The following CSMD3 variants were observed in gnomAD, a reference collection of about 807,000 sequenced individuals.
The protein encoded by CSMD3 is CUB and sushi domain-containing protein 3.
Under a neutral mutation model 435.2 loss-of-function variants are expected in CSMD3, and 177 were observed. That is an observed-to-expected ratio of 0.41 (90% CI 0.36 to 0.46). The LOEUF is 0.46. Among genes scored for constraint, CSMD3 ranks in the 20% least tolerant of loss-of-function variants. The pLI is 0.34. For synonymous variants in CSMD3, 1,656 were observed against 1,520.5 expected (o/e 1.09, Z -2.07); for missense variants, 4,265 against 4,504.6 (o/e 0.95, Z 1.52).
At chr8:112,788,583 A>AT (rs1274442447) in intron 13 of CSMD3, among the ~76,000 whole-genome samples, 1 of 152,182 alleles carries the variant, frequency 6.6e-6, no homozygotes, top group African/African-American at 2.4e-5. Flanking sequence ...ACTTAAAATT[A>AT]TTTTTAAGTA....
intron 10 of CSMD3, among the ~76,000 whole-genome samples, chr8:112,862,598 C>G (rs1295498844): frequency 6.6e-6 from 1 of 151,612 alleles, no homozygotes; most frequent in Admixed American, 6.6e-5. Flanking sequence ...GATCTTGGTA[C>G]ATTTATGTAT....
At chr8:113,383,184 C>A (rs1373602629) in intron 1 of CSMD3, among the ~76,000 whole-genome samples, 1 of 151,936 alleles carries the variant, frequency 6.6e-6, no homozygotes, top group Non-Finnish European at 1.5e-5. Context: ...GTTCAAGTAG[C>A]TGTGTACTGC....
intron 9 of CSMD3, among the ~76,000 whole-genome samples, chr8:112,943,554 C>T (rs990992781): frequency 6.6e-5 from 10 of 151,276 alleles, no homozygotes. Context: ...TAAAAAGGGC[C>T]CAAGAAAAGA....
At chr8:113,319,118 T>C (rs1168118969) in intron 1 of CSMD3, among the ~76,000 whole-genome samples, 1 of 152,006 alleles carries the variant, frequency 6.6e-6, no homozygotes, top group African/African-American at 2.4e-5. Context: ...ATTTTTAATT[T>C]ATTTAGGAAC....
chr8:112,917,424 G>C (rs1380138), intron 10 of CSMD3, among the ~76,000 whole-genome samples: 2 of 151,834 alleles, frequency 1.3e-5, no homozygotes, highest in African/African-American at 4.8e-5. Context: ...TGGTCATTCA[G>C]GAACAGGCTA....
At chr8:112,363,202 T>A (rs1468429187) in intron 38 of CSMD3, among the ~76,000 whole-genome samples, 1 of 151,940 alleles carries the variant, frequency 6.6e-6, no homozygotes, top group Non-Finnish European at 1.5e-5. Context: ...GACTTCACAG[T>A]CATATTATGA....
At chr8:112,407,485 CT>C (rs1369067702) in intron 34 of CSMD3, among the ~76,000 whole-genome samples, 1 of 151,814 alleles carries the variant, frequency 6.6e-6, no homozygotes, top group Non-Finnish European at 1.5e-5. Context: ...ATGATGAATT[CT>C]AAATAGATTA....
intron 10 of CSMD3, among the ~76,000 whole-genome samples, chr8:112,914,884 T>A (rs2130569651): frequency 6.6e-6 from 1 of 152,024 alleles, no homozygotes; most frequent in South Asian, 2.1e-4. Context: ...AAAGTGAGAT[T>A]TTACTGTGGA....
chr8:113,361,154 T>C (rs2094272961), intron 1 of CSMD3, among the ~76,000 whole-genome samples: 1 of 152,168 alleles, frequency 6.6e-6, no homozygotes, highest in African/African-American at 2.4e-5. Flanking sequence ...ATTATGATCA[T>C]GTTCTTTTCT....
chr8:112,559,562 A>G (rs1006037059), intron 24 of CSMD3, among the ~76,000 whole-genome samples: 3 of 151,808 alleles, frequency 2.0e-5, no homozygotes, highest in African/African-American at 4.8e-5. Flanking sequence ...CATCATCATT[A>G]TATTACTTAA....
chr8:112,249,040 C>T (rs769943901), intron 63 of CSMD3, among the ~76,000 whole-genome samples: 1 of 152,036 alleles, frequency 6.6e-6, no homozygotes, highest in Non-Finnish European at 1.5e-5. Flanking sequence ...TTTGATTTTT[C>T]AGTATGGGCT....
chr8:112,361,613 ATATAT>A (rs1282713553), intron 38 of CSMD3, among the ~76,000 whole-genome samples: 1 of 109,270 alleles, frequency 9.2e-6, no homozygotes, highest in Non-Finnish European at 1.8e-5. Context: ...ATATATATAT[ATATAT>A]ATGTCCTAGT....
intron 1 of CSMD3, among the ~76,000 whole-genome samples, chr8:113,415,770 C>T (rs1357526429): frequency 6.6e-6 from 1 of 152,036 alleles, no homozygotes; most frequent in Non-Finnish European, 1.5e-5. Flanking sequence ...TTGTCATATG[C>T]AGCAGCTGCT....
At chr8:112,401,927 C>T (rs1376284182) in intron 35 of CSMD3, among the ~76,000 whole-genome samples, 6 of 152,022 alleles carry the variant, frequency 3.9e-5, no homozygotes, top group Admixed American at 3.9e-4. Flanking sequence ...AATAAAATGT[C>T]AACAAATTAA....
At chr8:113,193,742 A>G (rs1163246111) in intron 3 of CSMD3, among the ~76,000 whole-genome samples, 1 of 151,470 alleles carries the variant, frequency 6.6e-6, no homozygotes, top group Admixed American at 6.6e-5. Flanking sequence ...TGGACATCAC[A>G]TTAAGTATAC....
At chr8:112,983,809 G>T (rs904988009) in intron 6 of CSMD3, among the ~76,000 whole-genome samples, 2 of 151,848 alleles carry the variant, frequency 1.3e-5, no homozygotes, top group East Asian at 1.9e-4. Flanking sequence ...GGTGTGGGTG[G>T]CTAGGAAGGG....
intron 10 of CSMD3, among the ~76,000 whole-genome samples, chr8:112,904,088 C>T (rs561353652): frequency 6.6e-6 from 1 of 151,244 alleles, no homozygotes; most frequent in South Asian, 2.1e-4. Context: ...TTTTTCCCCC[C>T]CAGAGACATG....
chr8:113,020,809 G>C (rs1050868565), intron 5 of CSMD3, among the ~76,000 whole-genome samples: 1 of 152,142 alleles, frequency 6.6e-6, no homozygotes, highest in East Asian at 1.9e-4. Context: ...AGTCATGCTA[G>C]GGGAACAGTA....
chr8:113,156,968 G>C (rs529447772), intron 4 of CSMD3, among the ~76,000 whole-genome samples: 2 of 151,750 alleles, frequency 1.3e-5, no homozygotes, highest in Non-Finnish European at 2.9e-5. Flanking sequence ...CAGAGACAGA[G>C]AGAGAGAGAT....
Sources: allele counts gnomAD v4.1 joint callset (sites outside exome capture counted in the v4.1 genomes callset), GRCh38; gene constraint gnomAD v4.1.1; transcripts MANE v1.5; gene names NCBI Gene and HGNC (gene_info 2026-07-23, HGNC 2026-07-21).